SLC14A2: variants seen among roughly 807,000 people sequenced by gnomAD.
The protein encoded by SLC14A2 is solute carrier family 14 member 2, also known as urea transporter 2.
A neutral mutation model predicts 104.6 loss-of-function variants in SLC14A2; 91 were observed. That is an observed-to-expected ratio of 0.87 (90% CI 0.73 to 1.04). The LOEUF is 1.04. Among genes scored for constraint, SLC14A2 ranks in the 50% least tolerant of loss-of-function variants. The probability of loss-of-function intolerance (pLI) is 0.00; values close to 1 mark genes in which losing one functional copy is unlikely to be tolerated. For missense variants in SLC14A2, 1,189 were observed against 1,156.0 expected (o/e 1.03, Z -0.41); for synonymous variants, 476 against 466.4 (o/e 1.02, Z -0.27).
At chr18:45,538,179 C>T (rs1241892232) in intron 2 of SLC14A2, among the ~76,000 whole-genome samples, 2 of 152,156 alleles carry the variant, frequency 1.3e-5, no homozygotes, top group Non-Finnish European at 2.9e-5. Context: ...CAGACCCTGC[C>T]TCTATCTCCA....
chr18:45,200,510 A>G, the SLC14A2 span, among the ~76,000 whole-genome samples: 1 of 152,226 alleles, frequency 6.6e-6, no homozygotes, highest in African/African-American at 2.4e-5. Context: ...AGTAATGTCA[A>G]TATTTTCATT....
At chr18:45,580,028 G>A (rs1183710623) in intron 2 of SLC14A2, among the ~76,000 whole-genome samples, 1 of 152,172 alleles carries the variant, frequency 6.6e-6, no homozygotes. Context: ...ATAGGAGGGA[G>A]AGATGGGATA....
intron 2 of SLC14A2, among the ~76,000 whole-genome samples, chr18:45,505,027 A>T (rs1217133833): frequency 2.0e-5 from 3 of 152,190 alleles, no homozygotes; most frequent in Non-Finnish European, 4.4e-5. Context: ...CTTAGCAGTT[A>T]CCCAATGGGG....
the SLC14A2 span, among the ~76,000 whole-genome samples, chr18:45,196,951 G>T: frequency 1.3e-5 from 2 of 152,204 alleles, no homozygotes; most frequent in Non-Finnish European, 2.9e-5. Context: ...CACAGAAAAC[G>T]AATTAGCCAA....
chr18:45,233,910 GT>G (rs1316732355), intron 1 of SLC14A2, among the ~76,000 whole-genome samples: 1 of 151,702 alleles, frequency 6.6e-6, no homozygotes, highest in Non-Finnish European at 1.5e-5. Context: ...TGGGCAAGGA[GT>G]GAGTTTAGAG....
At chr18:45,430,896 G>A (rs2086503908) in intron 1 of SLC14A2, among the ~76,000 whole-genome samples, 1 of 152,160 alleles carries the variant, frequency 6.6e-6, no homozygotes, top group Non-Finnish European at 1.5e-5. Context: ...TGACTGGAAT[G>A]GACACCCAGG....
rs150548745 is a variant in SLC14A2, at chr18:45,283,767, C to G, written c.-125+70576C>G. Among the ~76,000 whole-genome samples the G allele has an allele frequency of 3.4e-3, 513 of 152,200 alleles. 10 individuals are homozygous for G. The highest frequency in any genetic ancestry group is 0.03 in the Admixed American group (460 of 15,288). Reference sequence around the variant, plus strand: ...TTTTTTAGATATAGAGATATGCCCCCTCGTGGGTTCTTGTCTTACCTCGAG... The same window carrying G: ...TTTTTTAGATATAGAGATATGCCCCGTCGTGGGTTCTTGTCTTACCTCGAG... On this transcript the variant is annotated intron_variant, in intron 1 of 20. Coordinates refer to the SLC14A2 transcript ENST00000586448.
chr18:45,377,633 C>A (rs1215161824), intron 1 of SLC14A2, among the ~76,000 whole-genome samples: 3 of 152,104 alleles, frequency 2.0e-5, no homozygotes, highest in Non-Finnish European at 2.9e-5. Flanking sequence ...TCAGATTCAT[C>A]CCCTTCTTTC....
intron 1 of SLC14A2, among the ~76,000 whole-genome samples, chr18:45,241,027 C>T (rs1018644425): frequency 3.9e-5 from 6 of 152,124 alleles, no homozygotes; most frequent in African/African-American, 1.4e-4. Flanking sequence ...TTGCTCCTAC[C>T]CTCTGAGAAC....
intron 1 of SLC14A2, among the ~76,000 whole-genome samples, chr18:45,456,558 C>T (rs148517495): frequency 1.2e-4 from 19 of 152,328 alleles, no homozygotes; most frequent in African/African-American, 4.3e-4. Flanking sequence ...TCCAAGTGCT[C>T]AGGGATTGGG....
At position 45,644,003 on chromosome 18, in the gene SLC14A2, C is replaced by A. The variant is rs1392446791; in HGVS notation, c.1194C>A (p.Gly398=). The A allele has an allele frequency of 3.1e-6, 5 of 1,614,092 alleles. No individual in the cohort carries two copies. Among genetic ancestry groups the A allele is most frequent in the Non-Finnish European group, 4.2e-6 (5 of 1,179,942 alleles). The part of the protein sequence containing the change: ...NIMSVVGVPP[G]TWAFCLATII... ...GTTTCCAGGTGGGCGTGCCACCAGG[C>A]ACCTGGGCCTTCTGCCTTGCCACCA... Residue 398 remains glycine (G), a synonymous_variant, in exon 10 of 20, where the codon GGC becomes GGA. Coordinates refer to ENST00000255226, the MANE Select transcript of SLC14A2 (RefSeq NM_007163.4).
chr18:45,480,691 C>T (rs899193684), intron 1 of SLC14A2, among the ~76,000 whole-genome samples: 1 of 152,212 alleles, frequency 6.6e-6, no homozygotes, highest in African/African-American at 2.4e-5. Context: ...GCCACCTTCC[C>T]CCTCCCCTGG....
At chr18:45,655,059 C>T (rs569233736) in intron 10 of SLC14A2, among the ~76,000 whole-genome samples, 109 of 152,302 alleles carry the variant, frequency 7.2e-4, no homozygotes, top group Admixed American at 2.2e-3. Flanking sequence ...TCCTGTACCC[C>T]TTCCTCAGAA....
chr18:45,200,075 G>T, the SLC14A2 span, among the ~76,000 whole-genome samples: 2 of 151,902 alleles, frequency 1.3e-5, no homozygotes, highest in African/African-American at 4.8e-5. Context: ...CTTTCTTTGG[G>T]GATCCTTGAA....
intron 1 of SLC14A2, among the ~76,000 whole-genome samples, chr18:45,477,272 T>C (rs1162996375): frequency 6.6e-6 from 1 of 152,142 alleles, no homozygotes; most frequent in African/African-American, 2.4e-5. Context: ...TTGCTGGAGG[T>C]CCACTCCAGA....
chr18:45,526,687 A>AC (rs2043597545), intron 2 of SLC14A2, among the ~76,000 whole-genome samples: 1 of 152,106 alleles, frequency 6.6e-6, no homozygotes, highest in East Asian at 1.9e-4. Context: ...AGATGGGTAG[A>AC]ATTCTGACTT....
At chr18:45,410,401 A>G (rs2086202268) in intron 1 of SLC14A2, among the ~76,000 whole-genome samples, 1 of 152,218 alleles carries the variant, frequency 6.6e-6, no homozygotes, top group African/African-American at 2.4e-5. Context: ...GAGGTGCATT[A>G]TCAAAAAATT....
chr18:45,569,037 G>A (rs1056770834), intron 2 of SLC14A2, among the ~76,000 whole-genome samples: 5 of 152,144 alleles, frequency 3.3e-5, no homozygotes, highest in African/African-American at 7.2e-5. Context: ...AGGAGGAAGT[G>A]CCCACCTCTC....
chr18:45,289,791 G>A (rs1216566860), intron 1 of SLC14A2, among the ~76,000 whole-genome samples: 1 of 152,162 alleles, frequency 6.6e-6, no homozygotes, highest in African/African-American at 2.4e-5. Flanking sequence ...AAGTGCCAAT[G>A]TGTCATGCAA....
Sources: allele counts gnomAD v4.1 joint callset (sites outside exome capture counted in the v4.1 genomes callset), GRCh38; gene constraint gnomAD v4.1.1; transcripts MANE v1.5; gene names NCBI Gene and HGNC (gene_info 2026-07-23, HGNC 2026-07-21).